GRID2: variants seen among roughly 807,000 people sequenced by gnomAD.
GRID2 encodes glutamate receptor ionotropic, delta-2.
Under a neutral mutation model 114.8 loss-of-function variants are expected in GRID2, and 33 were observed. The observed-to-expected ratio is 0.29, with a 90% CI of 0.22 to 0.38. The LOEUF (loss-of-function observed/expected upper bound fraction) is 0.38. Ranked by LOEUF, GRID2 falls within the 10% of genes least tolerant of loss-of-function variation. The pLI, the probability that GRID2 is intolerant of heterozygous loss-of-function variation, is 1.00. For synonymous variants in GRID2, 505 were observed against 449.9 expected (o/e 1.12, Z -1.55); for missense variants, 1,184 against 1,257.7 (o/e 0.94, Z 0.89).
intron 2 of GRID2, among the ~76,000 whole-genome samples, chr4:92,957,719 A>G (rs1175679797): frequency 1.3e-5 from 2 of 152,026 alleles, no homozygotes; most frequent in African/African-American, 4.8e-5. Context: ...TTGGGGTTGT[A>G]TATTATTTAT....
At chr4:93,609,486 TG>T (rs1413719901) in intron 13 of GRID2, among the ~76,000 whole-genome samples, 6 of 15,812 alleles carry the variant, frequency 3.8e-4, no homozygotes, top group Non-Finnish European at 2.7e-4. Context: ...AATTGATTTT[TG>T]TATAAGGTGT....
chr4:92,621,684 A>T (rs1172943035), intron 2 of GRID2, among the ~76,000 whole-genome samples: 1 of 151,798 alleles, frequency 6.6e-6, no homozygotes, highest in African/African-American at 2.4e-5. Flanking sequence ...AATTCCAGAG[A>T]TAAGGAACCA....
chr4:93,749,391 C>T (rs1488741529), intron 14 of GRID2, among the ~76,000 whole-genome samples: 1 of 152,128 alleles, frequency 6.6e-6, no homozygotes, highest in Non-Finnish European at 1.5e-5. Context: ...GCTGGGATGA[C>T]TCTTCAAGGG....
intron 2 of GRID2, among the ~76,000 whole-genome samples, chr4:92,600,043 T>TATAC: frequency 1.5e-5 from 1 of 68,180 alleles, no homozygotes; most frequent in Admixed American, 1.7e-4. Context: ...TGTGTGTGTG[T>TATAC]GTATATATAT....
intron 8 of GRID2, among the ~76,000 whole-genome samples, chr4:93,253,610 A>T (rs1008422954): frequency 6.6e-6 from 1 of 152,274 alleles, no homozygotes; most frequent in African/African-American, 2.4e-5. Flanking sequence ...TTAAATAAGT[A>T]TATAAATAAC....
chr4:92,376,496 T>A (rs533765118), intron 1 of GRID2, among the ~76,000 whole-genome samples: 11 of 152,104 alleles, frequency 7.2e-5, no homozygotes, highest in African/African-American at 2.7e-4. Context: ...AGGCATATGG[T>A]GCAAGCTGTC....
intron 4 of GRID2, among the ~76,000 whole-genome samples, chr4:93,151,368 C>T (rs1231098747): frequency 6.6e-6 from 1 of 151,934 alleles, no homozygotes. Context: ...TTTTCCATCC[C>T]CTTAACCTCA....
chr4:93,485,114 C>G (rs1216243169), intron 11 of GRID2, among the ~76,000 whole-genome samples: 1 of 151,788 alleles, frequency 6.6e-6, no homozygotes, highest in Non-Finnish European at 1.5e-5. Context: ...TTTAATCATT[C>G]TGGTGGCTGT....
At chr4:92,307,761 A>G (rs1725482157) in intron 1 of GRID2, among the ~76,000 whole-genome samples, 1 of 152,216 alleles carries the variant, frequency 6.6e-6, no homozygotes, top group South Asian at 2.1e-4. Context: ...TTTAATACAC[A>G]TCCACACACA....
chr4:92,874,489 G>C (rs1004043942), intron 2 of GRID2, among the ~76,000 whole-genome samples: 2 of 152,068 alleles, frequency 1.3e-5, no homozygotes, highest in Middle Eastern at 3.4e-3. Context: ...AAGCAGTTAA[G>C]AAAAAATAAA....
chr4:92,568,426 A>G (rs1420329742), intron 1 of GRID2, among the ~76,000 whole-genome samples: 1 of 151,850 alleles, frequency 6.6e-6, no homozygotes, highest in Non-Finnish European at 1.5e-5. Context: ...GTTTCTCTCA[A>G]GTTTTTTGTT....
At chr4:93,560,737 C>T (rs1324331757) in intron 13 of GRID2, among the ~76,000 whole-genome samples, 2 of 152,102 alleles carry the variant, frequency 1.3e-5, no homozygotes, top group Non-Finnish European at 1.5e-5. Flanking sequence ...AACTTGGCCT[C>T]CCAAAGTACT....
intron 13 of GRID2, among the ~76,000 whole-genome samples, chr4:93,614,183 G>C (rs561366322): frequency 6.6e-6 from 1 of 152,160 alleles, no homozygotes; most frequent in Non-Finnish European, 1.5e-5. Context: ...CGCACGGTGC[G>C]TGCACCCACT....
At chr4:92,865,766 G>A (rs958327683) in intron 2 of GRID2, among the ~76,000 whole-genome samples, 1 of 152,124 alleles carries the variant, frequency 6.6e-6, no homozygotes, top group Non-Finnish European at 1.5e-5. Flanking sequence ...ACGACTGACT[G>A]AATAATATTT....
intron 7 of GRID2, among the ~76,000 whole-genome samples, chr4:93,225,985 C>T (rs769921573): frequency 2.0e-5 from 3 of 152,122 alleles, no homozygotes; most frequent in Non-Finnish European, 4.4e-5. Context: ...CTAATCCACT[C>T]CCATTATATG....
At chr4:93,497,377 A>G (rs183177148) in intron 12 of GRID2, among the ~76,000 whole-genome samples, 22 of 151,832 alleles carry the variant, frequency 1.4e-4, no homozygotes, top group African/African-American at 2.2e-4. Context: ...ATGAAGTGCA[A>G]TGTATCAATT....
chr4:93,687,410 A>T (rs1219487074), intron 14 of GRID2, among the ~76,000 whole-genome samples: 1 of 152,016 alleles, frequency 6.6e-6, no homozygotes, highest in East Asian at 1.9e-4. Context: ...CTGGCTAGAA[A>T]TATAAATGTA....
At chr4:93,022,421 T>A (rs950802229) in intron 2 of GRID2, among the ~76,000 whole-genome samples, 5 of 151,990 alleles carry the variant, frequency 3.3e-5, no homozygotes, top group African/African-American at 9.6e-5. Context: ...TTTTTAGTCA[T>A]GTATTGGTAT....
intron 13 of GRID2, among the ~76,000 whole-genome samples, chr4:93,532,008 A>G (rs1731496265): frequency 6.6e-6 from 1 of 152,114 alleles, no homozygotes; most frequent in Non-Finnish European, 1.5e-5. Flanking sequence ...TGTTTGGGCT[A>G]AAGAGGAAGA....
Sources: gnomAD v4.1 joint callset for allele counts (sites outside exome capture counted in the v4.1 genomes callset) on GRCh38, gnomAD v4.1.1 for gene constraint, MANE v1.5 for transcripts, NCBI Gene and HGNC (gene_info 2026-07-23, HGNC 2026-07-21) for gene names.